RIF1: variants seen among roughly 807,000 people sequenced by gnomAD.
RIF1 encodes replication timing regulatory factor 1.
A neutral mutation model predicts 247.1 loss-of-function variants in RIF1; 45 were observed. The observed-to-expected ratio is 0.18, with a 90% CI of 0.14 to 0.23. The LOEUF is 0.23. RIF1 is among the 10% of genes least tolerant of loss of function. The pLI, the probability that RIF1 is intolerant of heterozygous loss-of-function variation, is 1.00. For missense variants in RIF1, 2,967 were observed against 2,862.5 expected, an observed-to-expected ratio of 1.04 and a Z score of -0.83; for synonymous variants, 1,087 against 978.8, an observed-to-expected ratio of 1.11 and a Z score of -2.06.
rs989500082 is a variant in RIF1, at chr2:151,494,762, C to T, written c.*416-467C>T. ...CTCCCGGGTTCAAGTGATTCTTCTG[C>T]CTCAGCCTCCTGAGTAGCTGGGATT... On this transcript the variant is annotated intron_variant and NMD_transcript_variant, in intron 9 of 13. Transcript: ENST00000454583. 3.3e-5 allele frequency among the ~76,000 whole-genome samples: 5 copies of T among 152,306 alleles called. No homozygotes were observed. In the East Asian group the frequency reaches 9.6e-4, roughly 29 times the overall value.
chr2:151,506,893 T>TA, intron 13 of RIF1: 8 of 1,533,400 alleles, frequency 5.2e-6, no homozygotes, highest in Non-Finnish European at 7.2e-6. Context: ...AAATGCAAAA[T>TA]AAATAGTAAA....
intron 20 of RIF1, among the ~76,000 whole-genome samples, chr2:151,450,146 A>C (rs1158336516): frequency 1.3e-5 from 2 of 151,246 alleles, no homozygotes; most frequent in Non-Finnish European, 2.9e-5. Flanking sequence ...CCAGCCTTTG[A>C]TGTCCCCCCC....
Position 151,465,900 on chromosome 2 carries a change from T to A in RIF1, c.6380T>A (p.Leu2127Gln). Residue 2127 changes from leucine (L) to glutamine (Q), a missense_variant, in exon 30 of 36, where the codon CTG becomes CAG. Leu to Gln is a moderately radical substitution (Grantham distance 113). Coordinates refer to ENST00000444746, the MANE Select transcript of RIF1 (RefSeq NM_018151.5). ...SQKVEEPSQC[L>Q]ASGTAISELI... The stretch of plus-strand genomic sequence containing the variant: ...AAAGTGGAGGAACCATCACAGTGTC[T>A]GGCATCTGGAACAGCTATCTCTGAG... 1 of 1,614,132 alleles carries A rather than the reference T, an allele frequency of 6.2e-7. No homozygotes were observed. Among genetic ancestry groups the A allele is most frequent in the Non-Finnish European group, 8.5e-7 (1 of 1,179,948 alleles).
chr2:151,507,542 C>G (rs958798637), intron 13 of RIF1, among the ~76,000 whole-genome samples: 1 of 152,224 alleles, frequency 6.6e-6, no homozygotes, highest in Non-Finnish European at 1.5e-5. Context: ...CTAGGAGAAT[C>G]TGAACAAACA....
At chr2:151,461,346 C>CAA in intron 27 of RIF1, 57 bp downstream of exon 27, 1 of 1,497,688 alleles carries the variant, frequency 6.7e-7, no homozygotes, top group East Asian at 2.3e-5. Context: ...AGATTTCATG[C>CAA]AAGAAAAGTG....
chr2:151,516,589 A>C, the RIF1 span: 3 of 1,442,692 alleles, frequency 2.1e-6, no homozygotes, highest in East Asian at 2.3e-5. Context: ...CATGTTAGAT[A>C]TCTCTCCTCT....
intron 20 of RIF1, among the ~76,000 whole-genome samples, chr2:151,449,186 A>G (rs538710930): frequency 4.6e-5 from 7 of 152,196 alleles, no homozygotes; most frequent in African/African-American, 1.2e-4. Context: ...TGTTGCTTAC[A>G]TACTTCCTTG....
At chr2:151,485,585 C>A, downstream of RIF1, 1 of 503,338 alleles carries the variant, frequency 2.0e-6, no homozygotes, top group Non-Finnish European at 3.4e-6. Context: ...TTTAAAGTGT[C>A]TGTTCTGCAA....
rs1156807834 is a variant in RIF1, at chr2:151,463,767, G to A, written c.4247G>A (p.Arg1416Gln). The change falls in exon 30 of 36, where the codon CGG (arginine) becomes CAG (glutamine). Residue 1416 changes from arginine (R) to glutamine (Q), a missense_variant. Arg to Gln is a conservative substitution (Grantham distance 43, BLOSUM62 1). Transcript: ENST00000444746. ...ACTCCAAATCAGAAAACCCTTAGAC[G>A]GTCTTCAAGGCGACGTTCAGAAGTA... ...QITPNQKTLR[R>Q]SSRRRSEVVE... is the part of the protein sequence containing the mutation. 1.2e-5 allele frequency: 20 copies of A among 1,613,642 alleles called. No homozygotes were observed. The highest frequency in any genetic ancestry group is 1.5e-5 in the Non-Finnish European group (18 of 1,179,946).
At chr2:151,445,805 C>T (rs1693164969) in intron 19 of RIF1, among the ~76,000 whole-genome samples, 1 of 152,192 alleles carries the variant, frequency 6.6e-6, no homozygotes, top group Admixed American at 6.5e-5. Context: ...TCCCAAAGTG[C>T]TGGGATTACA....
chr2:151,457,998 A>G (rs753792864), intron 24 of RIF1, 35 bp downstream of exon 24: 20 of 1,440,054 alleles, frequency 1.4e-5, no homozygotes, highest in Non-Finnish European at 2.0e-5. Flanking sequence ...ACAACTAACT[A>G]TTCTGTTGTG....
At chr2:151,495,502 T>C (rs908384035) in intron 10 of RIF1, among the ~76,000 whole-genome samples, 1 of 152,192 alleles carries the variant, frequency 6.6e-6, no homozygotes, top group African/African-American at 2.4e-5. Context: ...AACCTACAGA[T>C]AGTGGAAATG....
chr2:151,502,747 A>G (rs1222791296), intron 11 of RIF1: 2 of 1,048,884 alleles, frequency 1.9e-6, no homozygotes, highest in East Asian at 5.0e-5. Flanking sequence ...TTATTATTTT[A>G]AATAAAATTA....
chr2:151,474,928 C>G lies in RIF1; in HGVS notation c.7276C>G (p.Leu2426Val). 1 of 1,610,392 alleles carries G rather than the reference C, an allele frequency of 6.2e-7. No homozygotes were observed. Among genetic ancestry groups the G allele is most frequent in the Non-Finnish European group, 8.5e-7 (1 of 1,176,814 alleles). Residue 2426 changes from leucine (L) to valine (V), a missense_variant, in exon 36 of 36, where the codon CTT becomes GTT. Around this residue, in one of 7 missense-constraint regions of RIF1, gnomAD observed 151 missense variants for 163.4 expected, o/e 0.92. Transcript: ENST00000444746. ...TCTGGCACAGATTAGTGCTCTTGCT[C>G]TTCAGCTGGATTCAGAAGATCTTCA... ...NLLAQISALA[L>V]QLDSEDLHNY... is the part of the protein sequence containing the mutation.
intron 2 of RIF1, among the ~76,000 whole-genome samples, chr2:151,410,802 A>G (rs894629208): frequency 6.6e-6 from 1 of 152,094 alleles, no homozygotes; most frequent in African/African-American, 2.4e-5. Flanking sequence ...GGTTGGAAGT[A>G]GTTGTTGGAG....
rs1697304713 is a variant in RIF1, at chr2:151,468,482, C to T, written c.6756C>T (p.Thr2252=). 1 of 1,612,038 alleles carries T rather than the reference C, an allele frequency of 6.2e-7. No individual in the cohort carries two copies. ...TCCTTTCTTCTATCTAGCATAATAC[C>T]ACTTCAGCCAAAGGATTTCTGTCCC... ...TSPTTQSKHN[T]TSAKGFLSPG... is the part of the protein sequence containing the mutation. Residue 2252 remains threonine (T), a synonymous_variant, in exon 32 of 36, where the codon ACC becomes ACT. Coordinates refer to ENST00000444746, the MANE Select transcript of RIF1 (RefSeq NM_018151.5).
chr2:151,532,013 C>G, the RIF1 span: 1 of 638,440 alleles, frequency 1.6e-6, no homozygotes, highest in Non-Finnish European at 2.7e-6. Context: ...TCTTTAATTC[C>G]TAACTGGAAA....
At chr2:151,421,132 C>T (rs1291765487) in intron 7 of RIF1, among the ~76,000 whole-genome samples, 2 of 152,160 alleles carry the variant, frequency 1.3e-5, no homozygotes, top group African/African-American at 4.8e-5. Context: ...CTGATATGTG[C>T]AGTGCATTGT....
At chr2:151,435,730 T>C in intron 11 of RIF1, 150 bp downstream of exon 11, 1 of 572,058 alleles carries the variant, frequency 1.7e-6, no homozygotes. Flanking sequence ...TTTAGGTTCA[T>C]TACCAAAAAA....
Sources: gnomAD v4.1 joint callset for allele counts (sites outside exome capture counted in the v4.1 genomes callset) on GRCh38, gnomAD v4.1.1 for gene constraint, gnomAD v4.1.1 regional missense constraint, MANE v1.5 for transcripts, NCBI Gene and HGNC (gene_info 2026-07-23, HGNC 2026-07-21) for gene names.